Variants in TENM4 observed in about 807,000 individuals in gnomAD.
The protein encoded by TENM4 is teneurin-4.
A neutral mutation model predicts 243.3 loss-of-function variants in TENM4; 82 were observed. The ratio of observed to expected loss-of-function variants is 0.34; its 90% CI spans 0.28 to 0.40. The LOEUF (loss-of-function observed/expected upper bound fraction) is 0.40, where lower values mean the gene tolerates loss of function less well. Ranked by LOEUF, TENM4 falls within the 10% of genes least tolerant of loss-of-function variation. The probability of loss-of-function intolerance (pLI) is 1.00; values close to 1 mark genes in which losing one functional copy is unlikely to be tolerated. For missense variants in TENM4, 3,138 were observed against 3,673.3 expected, an observed-to-expected ratio of 0.85 and a Z score of 3.77; for synonymous variants, 1,412 against 1,456.3, an observed-to-expected ratio of 0.97 and a Z score of 0.69.
At chr11:79,289,949 CTTTCTT>C (rs777908951) in intron 2 of TENM4, among the ~76,000 whole-genome samples, 26 of 149,746 alleles carry the variant, frequency 1.7e-4, no homozygotes, top group South Asian at 4.3e-4. Flanking sequence ...TACCTTTTTT[CTTTCTT>C]TTTCTTTTTC....
intron 23 of TENM4, among the ~76,000 whole-genome samples, chr11:78,723,590 G>C (rs1308377044): frequency 1.3e-5 from 2 of 152,174 alleles, no homozygotes; most frequent in Non-Finnish European, 2.9e-5. Flanking sequence ...ACTGCCCTTG[G>C]GCCTGTTTCC....
intron 12 of TENM4, among the ~76,000 whole-genome samples, chr11:78,852,459 C>A (rs954112224): frequency 6.6e-6 from 1 of 151,874 alleles, no homozygotes; most frequent in East Asian, 1.9e-4. Context: ...TCAAAGTGGG[C>A]GGCTCACTTG....
In TENM4 at chr11:78,658,636, G is replaced by C. The variant is rs1368149051; in HGVS notation, c.7732C>G (p.Arg2578Gly). Residue 2578 changes from arginine to glycine, a missense_variant, in exon 34 of 34, where the codon CGA becomes GGA. Physicochemically the swap from Arg to Gly is moderately radical, Grantham distance 125. Transcript: ENST00000278550. ...ACACTGATGATGTCTGTGGTCACTC[G>C]GCCATCCTTCAAGGCAAACTTGACC... ...KGVKFALKDG[R>G]VTTDIISVAN... The C allele has an allele frequency of 9.9e-6, 16 of 1,613,904 alleles. No individual in the cohort carries two copies. Among genetic ancestry groups the C allele is most frequent in the Non-Finnish European group, 1.3e-5 (15 of 1,179,900 alleles).
chr11:78,795,599 G>C (rs1182215800), intron 15 of TENM4, among the ~76,000 whole-genome samples: 1 of 152,156 alleles, frequency 6.6e-6, no homozygotes, highest in Non-Finnish European at 1.5e-5. Context: ...GAGGATACGA[G>C]ATTATATGAA....
intron 6 of TENM4, among the ~76,000 whole-genome samples, chr11:78,933,912 C>T (rs1373356588): frequency 6.6e-6 from 1 of 152,104 alleles, no homozygotes; most frequent in Non-Finnish European, 1.5e-5. Context: ...TTTCTGTCCA[C>T]CAACTGCAGA....
chr11:79,288,761 T>A (rs1054315865), intron 2 of TENM4, among the ~76,000 whole-genome samples: 1 of 152,142 alleles, frequency 6.6e-6, no homozygotes, highest in Non-Finnish European at 1.5e-5. Flanking sequence ...CTAGAGAGGC[T>A]AAGCAGGTGG....
intron 2 of TENM4, among the ~76,000 whole-genome samples, chr11:79,283,428 G>A (rs887133031): frequency 6.6e-6 from 1 of 151,994 alleles, no homozygotes; most frequent in Admixed American, 6.6e-5. Context: ...ACCAATCAAT[G>A]TAATAGACCA....
At chr11:78,872,090 C>T (rs1003224907) in intron 9 of TENM4, among the ~76,000 whole-genome samples, 1 of 152,026 alleles carries the variant, frequency 6.6e-6, no homozygotes, top group Non-Finnish European at 1.5e-5. Context: ...TCTAGAAAAC[C>T]GAGGATCCAG....
Position 79,133,865 on chromosome 11 carries a change from C to A in TENM4, c.-66+14845G>T, listed in dbSNP as rs559722770. Among the ~76,000 whole-genome samples, 5 of 152,242 alleles carry A rather than the reference C, an allele frequency of 3.3e-5. No individual in the cohort carries two copies. The East Asian group carries it at 9.6e-4, about 29-fold the overall frequency. On this transcript the variant is annotated intron_variant, in intron 4 of 33. Coordinates refer to ENST00000278550, the MANE Select transcript of TENM4 (RefSeq NM_001098816.3). ...GATACCTCAATGTAATAAAAGCCATCTATGACAAACCCACAGACAACATAA... is the reference window on the plus strand; with the variant it reads ...GATACCTCAATGTAATAAAAGCCATATATGACAAACCCACAGACAACATAA...
chr11:78,938,847 T>A (rs1856836079), intron 6 of TENM4, among the ~76,000 whole-genome samples: 1 of 152,166 alleles, frequency 6.6e-6, no homozygotes, highest in Admixed American at 6.5e-5. Flanking sequence ...CCAAACAAGC[T>A]TGGAGTATAA....
intron 1 of TENM4, among the ~76,000 whole-genome samples, chr11:79,412,000 C>T (rs1858711224): frequency 6.6e-6 from 1 of 152,220 alleles, no homozygotes; most frequent in Middle Eastern, 3.2e-3. Flanking sequence ...AGGAGTCTAG[C>T]AGAGCACTGA....
chr11:78,964,553 C>T (rs185309951), intron 6 of TENM4, among the ~76,000 whole-genome samples: 48 of 152,216 alleles, frequency 3.2e-4, no homozygotes, highest in African/African-American at 5.3e-4. Context: ...TATGATTCAC[C>T]GTACAATCTT....
At chr11:79,341,527 C>G (rs1164408183) in intron 1 of TENM4, among the ~76,000 whole-genome samples, 1 of 152,206 alleles carries the variant, frequency 6.6e-6, no homozygotes, top group Non-Finnish European at 1.5e-5. Flanking sequence ...TCATACAGGT[C>G]ATGAACATGA....
chr11:78,675,964 A>C (rs1348347719), intron 30 of TENM4, among the ~76,000 whole-genome samples, 188 bp downstream of exon 30: 1 of 152,240 alleles, frequency 6.6e-6, no homozygotes, highest in Non-Finnish European at 1.5e-5. Context: ...CAAAGCCAGT[A>C]GTCTTTCCAC....
chr11:78,663,305 G>T (rs770423601), intron 32 of TENM4, among the ~76,000 whole-genome samples: 1 of 152,332 alleles, frequency 6.6e-6, no homozygotes, highest in East Asian at 1.9e-4. Flanking sequence ...ATAGAACCCT[G>T]ATCGCAGAGG....
chr11:79,033,130 T>A (rs1382334724), intron 6 of TENM4, among the ~76,000 whole-genome samples: 1 of 152,102 alleles, frequency 6.6e-6, no homozygotes, highest in East Asian at 1.9e-4. Context: ...CTTGATGACC[T>A]ACTAGATATC....
intron 1 of TENM4, among the ~76,000 whole-genome samples, chr11:79,419,535 G>T (rs1292072337): frequency 6.6e-6 from 1 of 152,136 alleles, no homozygotes; most frequent in East Asian, 1.9e-4. Context: ...AAATTAGATT[G>T]GCAAAAAGGA....
chr11:79,164,048 A>C (rs1017164456), intron 3 of TENM4, among the ~76,000 whole-genome samples: 1 of 121,924 alleles, frequency 8.2e-6, no homozygotes. Context: ...ATACACTATA[A>C]ATACTATGTA....
chr11:79,145,372 C>G (rs1328825728), intron 4 of TENM4, among the ~76,000 whole-genome samples: 1 of 152,070 alleles, frequency 6.6e-6, no homozygotes, highest in East Asian at 1.9e-4. Context: ...GACTAGAGAG[C>G]CCCTTTGCAC....
Sources: allele counts gnomAD v4.1 joint callset (sites outside exome capture counted in the v4.1 genomes callset), GRCh38; gene constraint gnomAD v4.1.1; transcripts MANE v1.5; gene names NCBI Gene and HGNC (gene_info 2026-07-23, HGNC 2026-07-21).